The following COQ8A variants were observed in gnomAD, a reference collection of about 807,000 sequenced individuals.
COQ8A encodes coenzyme Q8A.
COQ8A carries 51 observed loss-of-function variants against 65.0 expected under a neutral mutation model. The observed-to-expected ratio is 0.78, with a 90% confidence interval of 0.63 to 0.99. The LOEUF (loss-of-function observed/expected upper bound fraction) is 0.99, where lower values mean the gene tolerates loss of function less well. Ranked by LOEUF, COQ8A falls within the 50% of genes least tolerant of loss-of-function variation. COQ8A has a pLI of 0.00. For missense variants in COQ8A, 940 were observed against 875.0 expected (o/e 1.07, Z -0.94); for synonymous variants, 371 against 353.2 (o/e 1.05, Z -0.57).
chr1:226,979,492 T>G (rs1163325267), intron 5 of COQ8A, among the ~76,000 whole-genome samples: 1 of 151,952 alleles, frequency 6.6e-6, no homozygotes, highest in Non-Finnish European at 1.5e-5. Context: ...TCAATGCCTC[T>G]GGAGTTCTGG....
chr1:226,948,698 G>A (rs951287403), intron 1 of COQ8A, among the ~76,000 whole-genome samples: 2 of 152,134 alleles, frequency 1.3e-5, no homozygotes, highest in African/African-American at 4.8e-5. Flanking sequence ...TGTGTGGGTG[G>A]AGTGGGAAGA....
chr1:226,944,991 C>T (rs535892311), intron 1 of COQ8A, among the ~76,000 whole-genome samples: 63 of 152,200 alleles, frequency 4.1e-4, no homozygotes, highest in Non-Finnish European at 7.4e-4. Flanking sequence ...TGCCTCTTAC[C>T]TCTCACTATT....
Position 226,984,903 on chromosome 1 carries a change from C to T in COQ8A, c.1534C>T (p.Arg512Trp), listed in dbSNP as rs149682899. The T allele has an allele frequency of 4.6e-5, 74 of 1,614,050 alleles. 1 individual carries two copies. In the East Asian group the frequency reaches 8.2e-4, roughly 18 times the overall value. The stretch of plus-strand genomic sequence containing the variant: ...GGCTCTTTTGGATTTTGGGGCAACG[C>T]GGGAATATGACAGATCCTTCACCGA... ...KVALLDFGATREYDRSFTDLY... is the reference protein window; with the variant it reads ...KVALLDFGATWEYDRSFTDLY... Residue 512 changes from arginine (R) to tryptophan (W), a missense_variant, in exon 13 of 15, where the codon CGG becomes TGG. Physicochemically the swap from Arg to Trp is moderately radical, Grantham distance 101. Transcript: ENST00000366777.
At chr1:226,963,892 A>G (rs1658401330) in intron 2 of COQ8A, among the ~76,000 whole-genome samples, 1 of 152,242 alleles carries the variant, frequency 6.6e-6, no homozygotes, top group Non-Finnish European at 1.5e-5. Flanking sequence ...GGTGTGAGCC[A>G]TCGCACTGGC....
intron 4 of COQ8A, among the ~76,000 whole-genome samples, chr1:226,968,127 T>C (rs1362567432): frequency 6.6e-6 from 1 of 151,904 alleles, no homozygotes; most frequent in African/African-American, 2.4e-5. Context: ...AGGTCAGGAG[T>C]TTGAGACCAG....
At chr1:226,970,621 G>A (rs922587422) in intron 4 of COQ8A, among the ~76,000 whole-genome samples, 5 of 152,028 alleles carry the variant, frequency 3.3e-5, no homozygotes, top group African/African-American at 1.2e-4. Context: ...CGGTTCTTTT[G>A]GTGATCACTC....
At chr1:226,980,925 T>G (rs1659646849) in intron 5 of COQ8A, among the ~76,000 whole-genome samples, 1 of 152,216 alleles carries the variant, frequency 6.6e-6, no homozygotes, top group South Asian at 2.1e-4. Context: ...CGGTCACCTC[T>G]CTCTTCCCCT....
intron 2 of COQ8A, among the ~76,000 whole-genome samples, chr1:226,961,915 A>C (rs573061483): frequency 4.5e-4 from 69 of 152,300 alleles, no homozygotes; most frequent in African/African-American, 1.5e-3. Context: ...ATGGGGCAGG[A>C]GGAGGGCAAG....
intron 1 of COQ8A, among the ~76,000 whole-genome samples, chr1:226,948,120 C>T (rs1203341644): frequency 1.3e-5 from 2 of 152,200 alleles, no homozygotes; most frequent in South Asian, 2.1e-4. Flanking sequence ...TATGATCTTA[C>T]AGTTCTGGAG....
chr1:226,965,756 CCTGGA>C lies in COQ8A; in HGVS notation c.655+23_655+27del. 6.2e-7 allele frequency: 1 copy of C among 1,612,160 alleles called. No individual in the cohort carries two copies. The highest frequency in any genetic ancestry group is 8.5e-7 in the Non-Finnish European group (1 of 1,179,260). On this transcript the variant is annotated intron_variant, in intron 4 of 14. Coordinates refer to ENST00000366777, the MANE Select transcript of COQ8A (RefSeq NM_020247.5). ...TTCGGAGGTAAGGTGGCTGTGTGCC[CCTGGA>C]CTGCCTCACCTGCCCTGCCTGGGCA...
chr1:226,985,719 G>A (rs115157481), intron 14 of COQ8A, among the ~76,000 whole-genome samples: 272 of 152,312 alleles, frequency 1.8e-3, no homozygotes, highest in African/African-American at 6.1e-3. Context: ...TTAAATAAAG[G>A]GGAACGGTCT....
rs1400167392 is a variant in COQ8A, at chr1:226,949,684, CCCATT to C, written c.-10+9287_-10+9291del. Among the ~76,000 whole-genome samples, 3 of 152,212 alleles carry C rather than the reference CCCATT, an allele frequency of 2.0e-5. No homozygotes were observed. The East Asian group carries it at 5.8e-4, about 29-fold the overall frequency. ...ACAACTGCGGGTTATCCAGACTGAT[CCCATT>C]CACCCTAACCGTTGGTCTCACCAAG... On this transcript the variant is annotated intron_variant, in intron 1 of 14. Transcript: ENST00000366777. The surrounding 1 kb of genome is among the most constrained non-coding windows in gnomAD (Gnocchi z 4.0).
intron 2 of COQ8A, among the ~76,000 whole-genome samples, chr1:226,962,824 G>C (rs1358552049): frequency 1.3e-5 from 2 of 152,242 alleles, no homozygotes; most frequent in Non-Finnish European, 2.9e-5. Flanking sequence ...TGGGATGGGG[G>C]CCAGCCTGGA....
chr1:226,985,082 A>G, intron 13 of COQ8A, 141 bp downstream of exon 13: 1 of 1,316,580 alleles, frequency 7.6e-7, no homozygotes, highest in Non-Finnish European at 1.1e-6. Context: ...GTCTGGTGAC[A>G]GCAGGCAGTT....
chr1:226,984,470 G>T, intron 11 of COQ8A, 78 bp from the exon 12 acceptor site: 1 of 1,392,304 alleles, frequency 7.2e-7, no homozygotes, highest in East Asian at 2.3e-5. Context: ...CAGGAGGCAG[G>T]GGCTTCTCTG....
At chr1:226,979,270 TG>T (rs1280180791) in intron 5 of COQ8A, among the ~76,000 whole-genome samples, 11 of 152,200 alleles carry the variant, frequency 7.2e-5, no homozygotes, top group Non-Finnish European at 1.0e-4. Flanking sequence ...GCTGAGGCTT[TG>T]GGCATTCGTG....
At chr1:226,983,875 C>T (rs1659882062) in intron 10 of COQ8A, 21 bp downstream of exon 10, 2 of 1,583,284 alleles carry the variant, frequency 1.3e-6, no homozygotes, top group African/African-American at 2.8e-5. Context: ...CGGCCGGGCC[C>T]CTTGCGTGTT....
chr1:226,963,762 G>A (rs538673621), intron 2 of COQ8A, among the ~76,000 whole-genome samples: 29 of 152,218 alleles, frequency 1.9e-4, no homozygotes, highest in African/African-American at 7.0e-4. Flanking sequence ...CTGCCACCAC[G>A]CCTGGCTAAT....
rs529114851 is a variant in COQ8A at position 226,979,320 on chromosome 1, G to A, written c.730+1797G>A. Among the ~76,000 whole-genome samples, 3 of 152,184 alleles carry A rather than the reference G, an allele frequency of 2.0e-5. No homozygotes were observed. In the South Asian group the frequency reaches 6.2e-4, roughly 31 times the overall value. On this transcript the variant is annotated intron_variant, in intron 5 of 14. Coordinates refer to ENST00000366777, the MANE Select transcript of COQ8A (RefSeq NM_020247.5). ...GAGTGGGGCGCACTGAGTCCCTGCC[G>A]CCTTCTGCCTGTGAACACCAGGCCG...
Sources: gnomAD v4.1 joint callset for allele counts (sites outside exome capture counted in the v4.1 genomes callset) on GRCh38, gnomAD v4.1.1 for gene constraint, Gnocchi (gnomAD v3.1) non-coding constraint, MANE v1.5 for transcripts, NCBI Gene and HGNC (gene_info 2026-07-23, HGNC 2026-07-21) for gene names.